MYO1B: variants seen among roughly 807,000 people sequenced by gnomAD.
MYO1B encodes the protein myosin IB.
In MYO1B, 72 loss-of-function variants were observed where a neutral mutation model predicts 159.7. The observed-to-expected ratio is 0.45, with a 90% CI of 0.37 to 0.55. MYO1B has a LOEUF of 0.55. MYO1B is among the 20% of genes least tolerant of loss of function. The pLI is 0.00. For missense variants in MYO1B, 1,062 were observed against 1,364.8 expected (o/e 0.78, Z 3.50); for synonymous variants, 468 against 473.8 (o/e 0.99, Z 0.16).
intron 3 of MYO1B, among the ~76,000 whole-genome samples, chr2:191,327,445 TTTGATC>T (rs1416268220): frequency 6.6e-6 from 1 of 152,256 alleles, no homozygotes. Context: ...TGCACTTTTA[TTTGATC>T]TTCTAAAGTA....
chr2:191,381,447 A>G lies in MYO1B; in HGVS notation c.1186-15A>G, dbSNP rs2126071532. 2 of 1,599,044 alleles carry G rather than the reference A, an allele frequency of 1.3e-6. No individual in the cohort carries two copies. The highest frequency in any genetic ancestry group is 1.7e-6 in the Non-Finnish European group (2 of 1,166,666). The stretch of plus-strand genomic sequence containing the variant: ...GGCATGGTTTATAAAGCTGTTTTTC[A>G]TTTTCTCCATACAGGACAACAGCTT... On this transcript the variant is annotated splice_polypyrimidine_tract_variant and intron_variant, in intron 13 of 30. Coordinates refer to ENST00000392318, the MANE Select transcript of MYO1B (RefSeq NM_001130158.3).
intron 1 of MYO1B, among the ~76,000 whole-genome samples, chr2:191,253,209 A>G (rs965260373): frequency 6.6e-6 from 1 of 152,176 alleles, no homozygotes; most frequent in African/African-American, 2.4e-5. Context: ...GTGACTGTGT[A>G]CTGTGAATTC....
intron 20 of MYO1B, among the ~76,000 whole-genome samples, chr2:191,394,810 C>T (rs1011908108): frequency 1.3e-5 from 2 of 152,130 alleles, no homozygotes; most frequent in African/African-American, 2.4e-5. Context: ...TAAAAAGTCA[C>T]GATTTATCAT....
At chr2:191,340,814 C>T (rs1692172810) in intron 4 of MYO1B, among the ~76,000 whole-genome samples, 1 of 152,034 alleles carries the variant, frequency 6.6e-6, no homozygotes. Flanking sequence ...CAACCTCCAC[C>T]TCCCGGGTTC....
intron 16 of MYO1B, among the ~76,000 whole-genome samples, chr2:191,386,384 A>G (rs1343231203): frequency 3.3e-5 from 5 of 152,204 alleles, no homozygotes; most frequent in Admixed American, 1.3e-4. Flanking sequence ...TATTAACACT[A>G]TTGAAGGAGA....
At chr2:191,331,302 AACC>A (rs1416732650) in intron 4 of MYO1B, among the ~76,000 whole-genome samples, 1 of 146,970 alleles carries the variant, frequency 6.8e-6, no homozygotes, top group African/African-American at 2.7e-5. Flanking sequence ...TTTAGTTATA[AACC>A]ACCTGGTGTA....
At chr2:191,306,139 C>A (rs923445094) in intron 3 of MYO1B, among the ~76,000 whole-genome samples, 1 of 152,036 alleles carries the variant, frequency 6.6e-6, no homozygotes, top group African/African-American at 2.4e-5. Flanking sequence ...GGGGAAGGGG[C>A]ATCAGGGCTG....
chr2:191,312,646 TG>T (rs1372750614), intron 3 of MYO1B, among the ~76,000 whole-genome samples: 1 of 152,256 alleles, frequency 6.6e-6, no homozygotes, highest in Admixed American at 6.5e-5. Flanking sequence ...AAAATCTGCC[TG>T]TGTTTGGTTA....
chr2:191,371,141 G>A (rs1694338759), intron 13 of MYO1B: 1 of 152,124 alleles, frequency 6.6e-6, no homozygotes, highest in South Asian at 2.1e-4. Context: ...TGGTATTTTA[G>A]TTTGGTTCAC....
intron 5 of MYO1B, among the ~76,000 whole-genome samples, chr2:191,342,135 G>A (rs995955887): frequency 3.3e-5 from 5 of 152,220 alleles, no homozygotes; most frequent in African/African-American, 1.2e-4. Context: ...AGATCAAGCT[G>A]TTGTCCAGGT....
At chr2:191,298,931 G>A (rs978168561) in intron 3 of MYO1B, among the ~76,000 whole-genome samples, 2 of 152,104 alleles carry the variant, frequency 1.3e-5, no homozygotes, top group African/African-American at 4.8e-5. Flanking sequence ...CTCTTCCTGT[G>A]CACTTCCACC....
intron 6 of MYO1B, among the ~76,000 whole-genome samples, chr2:191,348,064 C>T (rs1470725517): frequency 2.6e-5 from 4 of 152,130 alleles, no homozygotes; most frequent in East Asian, 1.9e-4. Context: ...TATTGAGCTA[C>T]GAGTTATTTC....
intron 11 of MYO1B, among the ~76,000 whole-genome samples, chr2:191,364,658 A>G (rs1170191148): frequency 1.3e-5 from 2 of 152,218 alleles, no homozygotes; most frequent in Non-Finnish European, 1.5e-5. Flanking sequence ...CTTGTATTTC[A>G]AAGGGTCACT....
chr2:191,283,280 T>C (rs2125767432), intron 2 of MYO1B, among the ~76,000 whole-genome samples: 1 of 152,068 alleles, frequency 6.6e-6, no homozygotes, highest in Admixed American at 6.5e-5. Flanking sequence ...TGTATAATAC[T>C]TACAGTGCAT....
chr2:191,254,439 A>G (rs1263221872), intron 1 of MYO1B, among the ~76,000 whole-genome samples: 2 of 151,122 alleles, frequency 1.3e-5, no homozygotes, highest in Non-Finnish European at 1.5e-5. Context: ...CGAACTCCTG[A>G]CCTCAGGTGA....
chr2:191,385,387 CTT>C (rs1695339560), intron 15 of MYO1B, among the ~76,000 whole-genome samples: 1 of 152,100 alleles, frequency 6.6e-6, no homozygotes, highest in Non-Finnish European at 1.5e-5. Flanking sequence ...AGGAAATAAA[CTT>C]TATTTTGAAC....
At chr2:191,353,899 A>G (rs1415812884) in intron 7 of MYO1B, among the ~76,000 whole-genome samples, 1 of 152,198 alleles carries the variant, frequency 6.6e-6, no homozygotes, top group Non-Finnish European at 1.5e-5. Context: ...CCTTTCACCA[A>G]ATACATGCTC....
chr2:191,391,959 AT>A, intron 18 of MYO1B, 148 bp from the exon 19 acceptor site: 1 of 538,234 alleles, frequency 1.9e-6, no homozygotes, highest in Non-Finnish European at 3.2e-6. Context: ...TTTGTGGAAA[AT>A]TCTTTGATAA....
At chr2:191,284,967 C>A (rs1688280015) in intron 2 of MYO1B, among the ~76,000 whole-genome samples, 1 of 152,154 alleles carries the variant, frequency 6.6e-6, no homozygotes, top group South Asian at 2.1e-4. Context: ...TAGATTCTTT[C>A]TCTTCTCCCC....
Sources: gnomAD v4.1 joint callset for allele counts (sites outside exome capture counted in the v4.1 genomes callset) on GRCh38, gnomAD v4.1.1 for gene constraint, MANE v1.5 for transcripts, NCBI Gene and HGNC (gene_info 2026-07-23, HGNC 2026-07-21) for gene names.